ADGRB3: variants seen among roughly 807,000 people sequenced by gnomAD.
ADGRB3 encodes brain-specific angiogenesis inhibitor 3.
A neutral mutation model predicts 193.4 loss-of-function variants in ADGRB3; 37 were observed. That is an observed-to-expected ratio of 0.19 (90% CI 0.15 to 0.25). The LOEUF (loss-of-function observed/expected upper bound fraction) is 0.25. Ranked by LOEUF, ADGRB3 falls within the 10% of genes least tolerant of loss-of-function variation. The pLI is 1.00. For missense variants in ADGRB3, 1,637 were observed against 1,852.9 expected (o/e 0.88, Z 2.14); for synonymous variants, 690 against 644.2 (o/e 1.07, Z -1.08).
chr6:68,690,438 A>G (rs1765053434), intron 3 of ADGRB3, among the ~76,000 whole-genome samples: 1 of 152,082 alleles, frequency 6.6e-6, no homozygotes, highest in South Asian at 2.1e-4. Context: ...TCACATAATA[A>G]TAGATTTGCT....
chr6:68,894,614 T>C (rs543297206), intron 3 of ADGRB3, among the ~76,000 whole-genome samples: 1 of 152,080 alleles, frequency 6.6e-6, no homozygotes, highest in South Asian at 2.1e-4. Flanking sequence ...ACTCATGTTA[T>C]ATACACAGGT....
At chr6:68,889,560 T>A (rs1457422465) in intron 3 of ADGRB3, among the ~76,000 whole-genome samples, 1 of 151,418 alleles carries the variant, frequency 6.6e-6, no homozygotes, top group Admixed American at 6.6e-5. Flanking sequence ...TGGAGTGCAG[T>A]GGTGCAATCT....
intron 3 of ADGRB3, among the ~76,000 whole-genome samples, chr6:68,684,382 C>T (rs139751036): frequency 3.5e-4 from 54 of 152,214 alleles, no homozygotes; most frequent in African/African-American, 1.1e-3. Context: ...TTAAACTATA[C>T]TTTTTTAAAG....
intron 8 of ADGRB3, among the ~76,000 whole-genome samples, chr6:68,966,321 A>G (rs1321242628): frequency 1.3e-5 from 2 of 152,004 alleles, no homozygotes; most frequent in Admixed American, 6.6e-5. Context: ...CCTTTCTCCA[A>G]ACTGCAGGCA....
chr6:68,786,225 G>T (rs1766965926), intron 3 of ADGRB3, among the ~76,000 whole-genome samples: 1 of 150,544 alleles, frequency 6.6e-6, no homozygotes, highest in South Asian at 2.1e-4. Context: ...TGAAGTCCTT[G>T]CCCATGCCTA....
intron 20 of ADGRB3, among the ~76,000 whole-genome samples, chr6:69,314,649 T>C (rs180790718): frequency 1.3e-5 from 2 of 151,600 alleles, no homozygotes; most frequent in African/African-American, 4.8e-5. Flanking sequence ...ATATCTTTTC[T>C]ACTGATATTT....
intron 3 of ADGRB3, among the ~76,000 whole-genome samples, chr6:68,764,594 A>T (rs1326946252): frequency 6.6e-6 from 1 of 152,208 alleles, no homozygotes; most frequent in Non-Finnish European, 1.5e-5. Flanking sequence ...AAAAGAAAAT[A>T]TAATAATGCA....
At chr6:69,335,107 G>A (rs1768818542) in intron 24 of ADGRB3, among the ~76,000 whole-genome samples, 1 of 151,822 alleles carries the variant, frequency 6.6e-6, no homozygotes, top group Non-Finnish European at 1.5e-5. Flanking sequence ...TCATTGAAAT[G>A]AATATGATAT....
intron 17 of ADGRB3, among the ~76,000 whole-genome samples, chr6:69,111,191 G>C (rs1264829236): frequency 3.3e-5 from 5 of 152,100 alleles, no homozygotes; most frequent in Admixed American, 6.6e-5. Flanking sequence ...CTTGTATTCT[G>C]TTCTTTCTGG....
At chr6:68,677,069 G>C (rs1769108845) in intron 3 of ADGRB3, among the ~76,000 whole-genome samples, 1 of 152,080 alleles carries the variant, frequency 6.6e-6, no homozygotes, top group African/African-American at 2.4e-5. Context: ...TTTTCATTTT[G>C]ACAGAGATAT....
chr6:68,971,961 G>C (rs1045360231), intron 8 of ADGRB3, among the ~76,000 whole-genome samples: 7 of 152,150 alleles, frequency 4.6e-5, no homozygotes, highest in African/African-American at 1.7e-4. Context: ...GCCCGCTGGT[G>C]GGAGGCAGGA....
intron 3 of ADGRB3, among the ~76,000 whole-genome samples, chr6:68,719,906 T>G (rs1334938824): frequency 1.3e-5 from 2 of 151,472 alleles, no homozygotes; most frequent in Non-Finnish European, 3.0e-5. Flanking sequence ...GTGATAAGGG[T>G]CAGAAAGAAG....
At chr6:68,734,057 G>A (rs901466664) in intron 3 of ADGRB3, among the ~76,000 whole-genome samples, 1 of 151,492 alleles carries the variant, frequency 6.6e-6, no homozygotes, top group African/African-American at 2.4e-5. Flanking sequence ...TTAATTTTAA[G>A]GTACAAGAGA....
chr6:68,707,033 C>A (rs1267879424), intron 3 of ADGRB3, among the ~76,000 whole-genome samples: 4 of 150,322 alleles, frequency 2.7e-5, no homozygotes, highest in African/African-American at 9.8e-5. Context: ...ATGGTGTGAA[C>A]CCAGGCGGCG....
At chr6:69,223,472 C>G (rs1765942200) in intron 17 of ADGRB3, among the ~76,000 whole-genome samples, 1 of 151,950 alleles carries the variant, frequency 6.6e-6, no homozygotes, top group South Asian at 2.1e-4. Flanking sequence ...AGATTTTTAA[C>G]TTAGAAAGCA....
At chr6:69,121,002 T>TG (rs1488799930) in intron 17 of ADGRB3, among the ~76,000 whole-genome samples, 1 of 150,574 alleles carries the variant, frequency 6.6e-6, no homozygotes, top group Non-Finnish European at 1.5e-5. Context: ...CAGTTATCTT[T>TG]TTTTTTTTTT....
intron 20 of ADGRB3, among the ~76,000 whole-genome samples, chr6:69,320,955 T>A (rs1768443861): frequency 6.6e-6 from 1 of 151,640 alleles, no homozygotes; most frequent in African/African-American, 2.4e-5. Context: ...TTTCCTGATT[T>A]CTGCCTTCTG....
At chr6:68,899,962 A>C (rs1401883763) in intron 3 of ADGRB3, among the ~76,000 whole-genome samples, 1 of 152,116 alleles carries the variant, frequency 6.6e-6, no homozygotes, top group African/African-American at 2.4e-5. Context: ...GGCATGAGTA[A>C]TATACCTGAG....
At chr6:69,176,503 A>G (rs969810506) in intron 17 of ADGRB3, among the ~76,000 whole-genome samples, 1 of 152,182 alleles carries the variant, frequency 6.6e-6, no homozygotes, top group Non-Finnish European at 1.5e-5. Context: ...ATCATGATGA[A>G]TTAACTTTTT....
Sources: gnomAD v4.1 joint callset for allele counts (sites outside exome capture counted in the v4.1 genomes callset) on GRCh38, gnomAD v4.1.1 for gene constraint, MANE v1.5 for transcripts, NCBI Gene and HGNC (gene_info 2026-07-23, HGNC 2026-07-21) for gene names.